GRB14: variants seen among roughly 807,000 people sequenced by gnomAD.
The protein encoded by GRB14 is growth factor receptor-bound protein 14.
In GRB14, 38 loss-of-function variants were observed where a neutral mutation model predicts 69.1. That is an observed-to-expected ratio of 0.55 (90% CI 0.42 to 0.72). The LOEUF (loss-of-function observed/expected upper bound fraction) is 0.72. Among genes scored for constraint, GRB14 ranks in the 30% least tolerant of loss-of-function variants. The probability of loss-of-function intolerance (pLI) is 0.00; values close to 1 mark genes in which losing one functional copy is unlikely to be tolerated. For synonymous variants in GRB14, 247 were observed against 241.3 expected, an observed-to-expected ratio of 1.02 and a Z score of -0.22; for missense variants, 666 against 666.1, an observed-to-expected ratio of 1.00 and a Z score of 0.00.
In GRB14 at chr2:164,619,729, C is replaced by G; in HGVS notation, c.282G>C (p.Leu94Phe). The G allele has an allele frequency of 6.3e-7, 1 of 1,598,514 alleles. No homozygotes were observed. Among genetic ancestry groups the G allele is most frequent in the Non-Finnish European group, 8.5e-7 (1 of 1,175,226 alleles). Residue 94 changes from leucine to phenylalanine, a missense_variant, in exon 2 of 14, where the codon TTG becomes TTC. Leu to Phe is a conservative substitution (Grantham distance 22). Transcript: ENST00000263915. ...TTGCTTTGGGAAATAGGTCTGCTGA[C>G]AACACAGATGTAAATGGAGAACAGC... ...ELCCSPFTSVLSADLFPKANS... is the reference protein window; with the variant it reads ...ELCCSPFTSVFSADLFPKANS...
intron 2 of GRB14, among the ~76,000 whole-genome samples, chr2:164,556,938 AT>A (rs143197602): frequency 0.36 from 54,636 of 151,970 alleles, 12,880 homozygotes; most frequent in Non-Finnish European, 0.52. Flanking sequence ...GTATTAGTGA[AT>A]TCCAAAATGG....
intron 2 of GRB14, among the ~76,000 whole-genome samples, chr2:164,550,628 CTACTT>C (rs1308269809): frequency 6.6e-6 from 1 of 151,914 alleles, no homozygotes; most frequent in Non-Finnish European, 1.5e-5. Flanking sequence ...CTTAAGCAAA[CTACTT>C]TAAACATCTG....
chr2:164,615,677 A>T (rs926234970), intron 2 of GRB14, among the ~76,000 whole-genome samples: 1 of 152,164 alleles, frequency 6.6e-6, no homozygotes, highest in Non-Finnish European at 1.5e-5. Context: ...CATCCAACTC[A>T]AACATTTCAT....
intron 2 of GRB14, among the ~76,000 whole-genome samples, chr2:164,612,177 G>A (rs1690182693): frequency 6.6e-6 from 1 of 152,148 alleles, no homozygotes; most frequent in South Asian, 2.1e-4. Flanking sequence ...TGTTGTAAGA[G>A]CACTATACTT....
At chr2:164,544,560 T>G (rs1243379429) in intron 3 of GRB14, among the ~76,000 whole-genome samples, 1 of 152,240 alleles carries the variant, frequency 6.6e-6, no homozygotes, top group African/African-American at 2.4e-5. Context: ...TTATCATGTA[T>G]AGAAGTTAAA....
chr2:164,493,168 A>G lies in GRB14; in HGVS notation c.1491T>C (p.Gly497=), dbSNP rs762805814. The change falls in exon 14 of 14, where the codon GGT becomes GGC. Residue 497 remains glycine, a synonymous_variant. Transcript: ENST00000263915. ...HFQIIPVEDD[G]EMFHTLDDGH... is the part of the protein sequence containing the mutation. ...CATCATCCAGTGTGTGGAACATTTC[A>G]CCGTCATCTTCTACCTGCAAAAAGA... The G allele has an allele frequency of 8.5e-5, 137 of 1,612,664 alleles. 1 individual carries two copies. The South Asian group carries it at 1.4e-3, about 16-fold the overall frequency.
At chr2:164,565,292 A>ACAGG (rs148937117) in intron 2 of GRB14, among the ~76,000 whole-genome samples, 1 of 151,528 alleles carries the variant, frequency 6.6e-6, no homozygotes, top group Non-Finnish European at 1.5e-5. Context: ...ACACACACAC[A>ACAGG]CACACACACA....
At chr2:164,564,533 T>G (rs1574313808) in intron 2 of GRB14, among the ~76,000 whole-genome samples, 1 of 152,246 alleles carries the variant, frequency 6.6e-6, no homozygotes, top group East Asian at 1.9e-4. Flanking sequence ...TAAATGGCAT[T>G]GCTCCGTATT....
intron 6 of GRB14, among the ~76,000 whole-genome samples, chr2:164,519,812 T>G (rs1687591082): frequency 6.6e-6 from 1 of 151,274 alleles, no homozygotes; most frequent in Non-Finnish European, 1.5e-5. Flanking sequence ...ACCAAGAAGG[T>G]GAAAGAACTC....
chr2:164,581,207 T>C (rs768766499), intron 2 of GRB14, among the ~76,000 whole-genome samples: 6 of 152,222 alleles, frequency 3.9e-5, no homozygotes, highest in Non-Finnish European at 8.8e-5. Context: ...TTGGTCTTTG[T>C]AGGAAGCTGA....
At position 164,492,866 on chromosome 2, in the gene GRB14, A is replaced by T; in HGVS notation, c.*170T>A. 1 of 526,982 alleles carries T rather than the reference A, an allele frequency of 1.9e-6. No individual in the cohort carries two copies. The highest frequency in any genetic ancestry group is 3.2e-6 in the Non-Finnish European group (1 of 310,834). The allele number at this position is 526,982 out of a possible 1,614,324, so 32.6% of individuals were successfully genotyped here. On this transcript the variant is annotated 3_prime_UTR_variant, in exon 14 of 14. Coordinates refer to ENST00000263915, the MANE Select transcript of GRB14 (RefSeq NM_004490.3). ...CTAATGAATTTTAAATGATGAATGT[A>T]AAGTCAATCCAAGTCTTTGCTTATT... is the stretch of plus-strand genomic sequence containing the variant.
chr2:164,598,890 C>T (rs181977857), intron 2 of GRB14, among the ~76,000 whole-genome samples: 1 of 152,192 alleles, frequency 6.6e-6, no homozygotes, highest in East Asian at 1.9e-4. Context: ...TGTTATGGAT[C>T]TCTTATTATC....
At chr2:164,554,200 T>C (rs1688619925) in intron 2 of GRB14, among the ~76,000 whole-genome samples, 1 of 152,234 alleles carries the variant, frequency 6.6e-6, no homozygotes, top group African/African-American at 2.4e-5. Context: ...TAGTATTCTA[T>C]TTCCTATACA....
intron 9 of GRB14, among the ~76,000 whole-genome samples, chr2:164,499,326 A>C (rs568593097): frequency 6.2e-4 from 95 of 152,306 alleles, no homozygotes; most frequent in African/African-American, 2.3e-3. Context: ...ACTACAAATA[A>C]GGAACGTTTT....
intron 6 of GRB14, among the ~76,000 whole-genome samples, chr2:164,512,057 G>A (rs1687353116): frequency 6.6e-6 from 1 of 152,224 alleles, no homozygotes; most frequent in Non-Finnish European, 1.5e-5. Flanking sequence ...CCAGTGAAAA[G>A]TGGGGGGAAG....
At chr2:164,539,845 A>G (rs1361320157) in intron 3 of GRB14, 1 of 152,218 alleles carries the variant, frequency 6.6e-6, no homozygotes, top group Non-Finnish European at 1.5e-5. Flanking sequence ...CTGCATGTAC[A>G]GCTAGTAGAA....
At position 164,570,275 on chromosome 2, in the gene GRB14, T is replaced by TAAAA. The variant is rs35918859; in HGVS notation, c.325-22463_325-22460dup. The stretch of plus-strand genomic sequence containing the variant: ...CTGGGTGACAGAGCAAGACTCCATC[T>TAAAA]AAAAAAAAAAAAAAAAAAAAAAAAA... On this transcript the variant is annotated intron_variant, in intron 2 of 13. Transcript: ENST00000263915. Among the ~76,000 whole-genome samples, 215 of 57,212 alleles carry TAAAA rather than the reference T, an allele frequency of 3.8e-3. 4 individuals are homozygous for TAAAA. The highest frequency in any genetic ancestry group is 0.014 in the African/African-American group (209 of 14,836). 37.5% of individuals were successfully genotyped at this position (57,212 alleles called of 152,430 possible).
intron 2 of GRB14, among the ~76,000 whole-genome samples, chr2:164,607,628 T>C (rs1690071757): frequency 6.6e-6 from 1 of 152,158 alleles, no homozygotes; most frequent in South Asian, 2.1e-4. Context: ...CCTCATATAA[T>C]ACAACTGAAA....
intron 2 of GRB14, among the ~76,000 whole-genome samples, chr2:164,598,087 A>G (rs1238471897): frequency 6.6e-6 from 1 of 152,040 alleles, no homozygotes; most frequent in Admixed American, 6.6e-5. Context: ...CCTGAAGCCT[A>G]AGAAGACATC....
Sources: gnomAD v4.1 joint callset for allele counts (sites outside exome capture counted in the v4.1 genomes callset) on GRCh38, gnomAD v4.1.1 for gene constraint, MANE v1.5 for transcripts, NCBI Gene and HGNC (gene_info 2026-07-23, HGNC 2026-07-21) for gene names.